TMEM165: variants seen among roughly 807,000 people sequenced by gnomAD.
TMEM165 encodes transmembrane protein 165, also known as putative divalent cation/proton antiporter TMEM165.
Under a neutral mutation model 30.0 loss-of-function variants are expected in TMEM165, and 19 were observed. The ratio of observed to expected loss-of-function variants is 0.63; its 90% CI spans 0.44 to 0.93. TMEM165 has a LOEUF of 0.93. Ranked by LOEUF, TMEM165 falls within the 40% of genes least tolerant of loss-of-function variation. The probability of loss-of-function intolerance (pLI) is 0.00; values close to 1 mark genes in which losing one functional copy is unlikely to be tolerated. For synonymous variants in TMEM165, 168 were observed against 162.9 expected (o/e 1.03, Z -0.24); for missense variants, 340 against 417.0 (o/e 0.82, Z 1.61).
intron 3 of TMEM165, among the ~76,000 whole-genome samples, chr4:55,444,961 T>C (rs1723683084): frequency 6.6e-6 from 1 of 152,226 alleles, no homozygotes; most frequent in Non-Finnish European, 1.5e-5. Flanking sequence ...ATATTGGACC[T>C]GGACCTTCAA....
In TMEM165 at chr4:55,445,582, C is replaced by CTTTTTTTTTTTT. The variant is rs56157186; in HGVS notation, c.409-6642_409-6631dup. 4.7e-3 allele frequency among the ~76,000 whole-genome samples: 325 copies of CTTTTTTTTTTTT among 68,584 alleles called. 53 individuals carry two copies. Among genetic ancestry groups the CTTTTTTTTTTTT allele is most frequent in the African/African-American group, 7.1e-3 (132 of 18,610 alleles). 45.0% of individuals were successfully genotyped at this position (68,584 alleles called of 152,430 possible). ...TCTCTGCATCTGCTATTTCTATATTCTTTTTTTTTTTTTTTTTTTTTTTTT... is the reference window on the plus strand; with the variant it reads ...TCTCTGCATCTGCTATTTCTATATTCTTTTTTTTTTTTTTTTTTTTTTTTTTTTTTTTTTTTT... On this transcript the variant is annotated intron_variant, in intron 3 of 3. Transcript: ENST00000608091.
At chr4:55,426,730 G>GAGAT (rs1324878951), downstream of TMEM165, among the ~76,000 whole-genome samples, 3 of 152,198 alleles carry the variant, frequency 2.0e-5, no homozygotes, top group Non-Finnish European at 4.4e-5. Context: ...GCAATTTGAA[G>GAGAT]AGATTGTGAA....
At chr4:55,429,580 G>C (rs1197149630), downstream of TMEM165, 3 of 152,146 alleles carry the variant, frequency 2.0e-5, no homozygotes, top group Non-Finnish European at 4.4e-5. Flanking sequence ...CCAAATTTAA[G>C]AACTTTAAAT....
intron 3 of TMEM165, among the ~76,000 whole-genome samples, chr4:55,437,620 T>C (rs17721215): frequency 0.25 from 37,465 of 152,084 alleles, 4,955 homozygotes; most frequent in South Asian, 0.37. Context: ...TATTCAGTGA[T>C]TTACAAGCAC....
chr4:55,411,654 A>G lies in TMEM165; in HGVS notation c.248A>G (p.Glu83Gly). Reference protein sequence around the residue: ...TPAAPVHTNKEDPATQTNLGF... With the variant: ...TPAAPVHTNKGDPATQTNLGF... ...GCAGCTCCAGTTCATACCAATAAAG[A>G]AGATCCTGCTACCCAAACTAATTTG... The change falls in exon 2 of 6, where the codon GAA (glutamate) becomes GGA (glycine). Residue 83 changes from glutamate (E) to glycine (G), a missense_variant. Around this residue, in one of 2 missense-constraint regions of TMEM165, gnomAD observed 220 missense variants for 307.6 expected, o/e 0.72. Coordinates refer to ENST00000381334, the MANE Select transcript of TMEM165 (RefSeq NM_018475.5). 6.2e-7 allele frequency: 1 copy of G among 1,614,202 alleles called. No homozygotes were observed. The highest frequency in any genetic ancestry group is 1.3e-5 in the African/African-American group (1 of 75,052).
chr4:55,418,398 CT>C (rs1202536865), intron 4 of TMEM165, among the ~76,000 whole-genome samples: 5 of 151,736 alleles, frequency 3.3e-5, no homozygotes, highest in Admixed American at 3.3e-4. Flanking sequence ...TGGTATGCAC[CT>C]GTAGTCCCAG....
At chr4:55,444,904 G>T in intron 3 of TMEM165, 1 of 1,008,242 alleles carries the variant, frequency 9.9e-7, no homozygotes, top group Non-Finnish European at 1.5e-6. Context: ...TCCTTCACTA[G>T]TTATGTCCCT....
Position 55,418,002 on chromosome 4 carries a change from A to G in TMEM165, c.792+17A>G. 6.3e-7 allele frequency: 1 copy of G among 1,587,124 alleles called. No homozygotes were observed. Among genetic ancestry groups the G allele is most frequent in the Non-Finnish European group, 8.6e-7 (1 of 1,168,864 alleles). On this transcript the variant is annotated intron_variant, in intron 4 of 5. Transcript: ENST00000381334. The stretch of plus-strand genomic sequence containing the variant: ...GCTAGAGAGGTGAGTGATATTTGAG[A>G]GGAGACTGTTTAAAATGAAACGTAA...
intron 3 of TMEM165, among the ~76,000 whole-genome samples, chr4:55,440,605 A>G (rs1054273041): frequency 6.6e-6 from 1 of 152,260 alleles, no homozygotes; most frequent in African/African-American, 2.4e-5. Flanking sequence ...AAAAAGAATT[A>G]AAATTGTCCA....
chr4:55,426,046 AAC>A lies in TMEM165; in HGVS notation c.*596_*597del, dbSNP rs1417569935. 2.0e-5 allele frequency: 3 copies of A among 152,188 alleles called. No homozygotes were observed. The highest frequency in any genetic ancestry group is 2.4e-5 in the African/African-American group (1 of 41,458). The allele number at this position is 152,188 out of a possible 1,614,324, so 9.4% of individuals were successfully genotyped here. A position where few individuals can be genotyped will look rare whatever the true frequency, so the allele number is the denominator to read the frequency against. On this transcript the variant is annotated 3_prime_UTR_variant, in exon 6 of 6. Coordinates refer to ENST00000381334, the MANE Select transcript of TMEM165 (RefSeq NM_018475.5). The stretch of plus-strand genomic sequence containing the variant: ...AATTGGGTAGGACACCCAATATAAA[AAC>A]AGTCAATATTTGACAATGTGGAATT...
chr4:55,414,897 T>G (rs1454238395), intron 2 of TMEM165, among the ~76,000 whole-genome samples: 1 of 152,194 alleles, frequency 6.6e-6, no homozygotes, highest in African/African-American at 2.4e-5. Context: ...ACTTTGTCTC[T>G]CCAAGAATGT....
intron 4 of TMEM165, among the ~76,000 whole-genome samples, chr4:55,418,915 C>T (rs62303685): frequency 6.6e-6 from 1 of 151,730 alleles, no homozygotes; most frequent in Non-Finnish European, 1.5e-5. Context: ...CAAGGTGGCT[C>T]ATGCCTGTAA....
intron 2 of TMEM165, among the ~76,000 whole-genome samples, chr4:55,414,183 T>C (rs920079466): frequency 2.7e-5 from 4 of 150,910 alleles, no homozygotes; most frequent in African/African-American, 7.3e-5. Context: ...GGCAGGAGAA[T>C]GGCGTCAACC....
intron 3 of TMEM165, among the ~76,000 whole-genome samples, chr4:55,444,323 G>GT (rs1461672827): frequency 6.6e-6 from 1 of 152,036 alleles, no homozygotes; most frequent in African/African-American, 2.4e-5. Flanking sequence ...TATAAATTCT[G>GT]TACCCAAGAT....
intron 5 of TMEM165, chr4:55,424,918 G>T: frequency 4.9e-6 from 2 of 407,532 alleles, no homozygotes; most frequent in South Asian, 6.1e-5. Flanking sequence ...GGAAGTATGA[G>T]AAGTTTTTGG....
At chr4:55,405,533 C>T (rs1578232133) in intron 1 of TMEM165, among the ~76,000 whole-genome samples, 2 of 152,308 alleles carry the variant, frequency 1.3e-5, no homozygotes, top group Admixed American at 1.3e-4. Context: ...TTTTATTCCC[C>T]TTTCCGACAT....
intron 4 of TMEM165, among the ~76,000 whole-genome samples, chr4:55,422,815 A>G (rs1000650630): frequency 6.6e-6 from 1 of 151,818 alleles, no homozygotes; most frequent in Non-Finnish European, 1.5e-5. Context: ...ACACCCGGCT[A>G]ATTTTTTGTA....
intron 2 of TMEM165, among the ~76,000 whole-genome samples, chr4:55,416,436 A>G (rs1388744181): frequency 6.6e-6 from 1 of 152,168 alleles, no homozygotes; most frequent in East Asian, 1.9e-4. Context: ...TTTTTATATA[A>G]CTTACACAGA....
exon 4 of TMEM165, chr4:55,453,133 C>T (rs1485686183): frequency 6.2e-7 from 1 of 1,611,292 alleles, no homozygotes. Context: ...TGCATAACTA[C>T]AAATGGAAAA....
Sources: allele counts gnomAD v4.1 joint callset (sites outside exome capture counted in the v4.1 genomes callset), GRCh38; gene constraint gnomAD v4.1.1; regional missense constraint gnomAD v4.1.1; transcripts MANE v1.5; gene names NCBI Gene and HGNC (gene_info 2026-07-23, HGNC 2026-07-21).